Variants in OSBP2 observed in about 807,000 individuals in gnomAD.
OSBP2 encodes the protein oxysterol binding protein 2.
A neutral mutation model predicts 96.0 loss-of-function variants in OSBP2; 66 were observed. That is an observed-to-expected ratio of 0.69 (90% CI 0.56 to 0.84). The LOEUF (loss-of-function observed/expected upper bound fraction) is 0.84, where lower values mean the gene tolerates loss of function less well. Ranked by LOEUF, OSBP2 falls within the 40% of genes least tolerant of loss-of-function variation. OSBP2 has a pLI of 0.00. For missense variants in OSBP2, 1,038 were observed against 1,222.7 expected (o/e 0.85, Z 2.25); for synonymous variants, 525 against 520.9 (o/e 1.01, Z -0.11).
chr22:30,807,322 T>C (rs946274040), intron 2 of OSBP2, among the ~76,000 whole-genome samples: 4 of 152,214 alleles, frequency 2.6e-5, no homozygotes, highest in Admixed American at 2.6e-4. Flanking sequence ...GTCGCTTCCC[T>C]CAAGCCGTGC....
At chr22:30,897,948 T>A (rs1391981639) in intron 12 of OSBP2, among the ~76,000 whole-genome samples, 1 of 136,954 alleles carries the variant, frequency 7.3e-6, no homozygotes, top group African/African-American at 3.0e-5. Flanking sequence ...AGACTCCGTC[T>A]CAGGAAAAAA....
intron 2 of OSBP2, among the ~76,000 whole-genome samples, chr22:30,849,517 G>A (rs2038937055): frequency 6.6e-6 from 1 of 152,068 alleles, no homozygotes; most frequent in African/African-American, 2.4e-5. Context: ...ATCTCTTCAT[G>A]TTCTTATTAG....
chr22:30,824,517 C>T (rs1159826645), intron 2 of OSBP2, among the ~76,000 whole-genome samples: 1 of 152,126 alleles, frequency 6.6e-6, no homozygotes, highest in African/African-American at 2.4e-5. Flanking sequence ...TTTCCACATA[C>T]AAACACATAC....
chr22:30,754,468 ACTGTTT>A (rs2090116690), intron 2 of OSBP2, among the ~76,000 whole-genome samples: 1 of 152,134 alleles, frequency 6.6e-6, no homozygotes, highest in African/African-American at 2.4e-5. Flanking sequence ...TAAGGAGCTC[ACTGTTT>A]GGGGCTGAGG....
intron 3 of OSBP2, among the ~76,000 whole-genome samples, chr22:30,884,977 TGAG>T (rs2039779730): frequency 6.6e-6 from 1 of 152,168 alleles, no homozygotes. Context: ...TGCAGAGGTC[TGAG>T]GAGTGGTGGG....
chr22:30,717,090 TTG>T (rs35377469), intron 1 of OSBP2, among the ~76,000 whole-genome samples: 17,573 of 118,034 alleles, frequency 0.15, 1,349 homozygotes, highest in Middle Eastern at 0.19. Context: ...TTTACTGTTT[TTG>T]TGTGTGTGTG....
rs578084049 is a variant in OSBP2, at chr22:30,859,061, C to T, written c.854-11368C>T. On this transcript the variant is annotated intron_variant, in intron 2 of 13. Coordinates refer to ENST00000332585, the MANE Select transcript of OSBP2 (RefSeq NM_030758.4). ...TTCAGGGCCCCATGGTTCCTAGTGG[C>T]GGAACCCTTTCCCCGCCAGGGCCCT... is the stretch of plus-strand genomic sequence containing the variant. Among the ~76,000 whole-genome samples, 17 of 152,074 alleles carry T rather than the reference C, an allele frequency of 1.1e-4. No individual in the cohort carries two copies. In the East Asian group the frequency reaches 2.9e-3, roughly 26 times the overall value.
intron 1 of OSBP2, among the ~76,000 whole-genome samples, chr22:30,698,800 C>G (rs1424300596): frequency 6.6e-6 from 1 of 152,044 alleles, no homozygotes; most frequent in Non-Finnish European, 1.5e-5. Context: ...TCTTGTGCCC[C>G]CTGCCATCCC....
At chr22:30,772,792 CAT>C (rs1491543062) in intron 2 of OSBP2, among the ~76,000 whole-genome samples, 2 of 108,346 alleles carry the variant, frequency 1.8e-5, no homozygotes, top group African/African-American at 4.1e-5. Flanking sequence ...TTGTTAAACG[CAT>C]TTTTTTTTTT....
chr22:30,829,562 C>T (rs987440981), intron 2 of OSBP2, among the ~76,000 whole-genome samples: 2 of 152,174 alleles, frequency 1.3e-5, no homozygotes, highest in Non-Finnish European at 2.9e-5. Context: ...GGATTACAGG[C>T]GTGAACCAAA....
At chr22:30,717,001 A>G (rs1017691842) in intron 1 of OSBP2, among the ~76,000 whole-genome samples, 1 of 151,912 alleles carries the variant, frequency 6.6e-6, no homozygotes, top group African/African-American at 2.4e-5. Flanking sequence ...ATCCAATGTC[A>G]TGAAACTTTA....
chr22:30,724,043 C>T (rs1311432245), intron 1 of OSBP2, among the ~76,000 whole-genome samples: 1 of 152,312 alleles, frequency 6.6e-6, no homozygotes, highest in East Asian at 1.9e-4. Context: ...GCCTATTCAT[C>T]ACTCCCCATC....
intron 2 of OSBP2, among the ~76,000 whole-genome samples, chr22:30,751,020 C>T (rs144864767): frequency 0.02 from 3,107 of 152,276 alleles, 98 homozygotes; most frequent in African/African-American, 0.07. Context: ...GGATTACAGG[C>T]GTGAGCCACT....
chr22:30,853,591 TGATA>T (rs781196341), intron 2 of OSBP2, among the ~76,000 whole-genome samples: 1 of 152,190 alleles, frequency 6.6e-6, no homozygotes, highest in Non-Finnish European at 1.5e-5. Context: ...TTATCCAGCC[TGATA>T]AAGTCTCTGA....
At position 30,890,955 on chromosome 22, in the gene OSBP2, G is replaced by A. The variant is rs755381566; in HGVS notation, c.1851G>A (p.Leu617=). 6.2e-7 allele frequency: 1 copy of A among 1,609,076 alleles called. No homozygotes were observed. The highest frequency in any genetic ancestry group is 1.1e-5 in the South Asian group (1 of 91,074). The change falls in exon 8 of 14, where the codon CTG becomes CTA. Residue 617 remains leucine, a synonymous_variant. Coordinates refer to ENST00000332585, the MANE Select transcript of OSBP2 (RefSeq NM_030758.4). This position sits in a 1 kb window ranked among gnomAD's most constrained non-coding sequence, Gnocchi z 4.4. ...FELDRLDDMG[L]RSLCEQVSHH... is the part of the protein sequence containing the mutation. ...TGGACCGCCTCGACGACATGGGCCT[G>A]CGCTCCCTCTGTGAGCAGGTGAGGG...
chr22:30,906,365 C>T lies in OSBP2; in HGVS notation c.*26C>T, dbSNP rs2147205103. The T allele has an allele frequency of 1.3e-6, 2 of 1,570,794 alleles. No homozygotes were observed. Among genetic ancestry groups the T allele is most frequent in the East Asian group, 2.3e-5 (1 of 44,284 alleles). ...GCGCCACCCTTGCAACAAATACAGG[C>T]GCCTGCACAGCCTGGCCCACCTGTT... On this transcript the variant is annotated 3_prime_UTR_variant, in exon 14 of 14. Coordinates refer to ENST00000332585, the MANE Select transcript of OSBP2 (RefSeq NM_030758.4).
Position 30,887,575 on chromosome 22 carries a change from T to G in OSBP2, c.1257T>G (p.Ser419Arg), listed in dbSNP as rs1332332621. ...ACAGCCTCGAGCGGGCCTTCCACAG[T>G]GCCCCTGGCCGGCCGGCCAACCCCT... ...QHNSLERAFHSAPGRPANPSK... is the reference protein window; with the variant it reads ...QHNSLERAFHRAPGRPANPSK... Residue 419 changes from serine to arginine, a missense_variant, in exon 4 of 14, where the codon AGT becomes AGG. Physicochemically the swap from Ser to Arg is moderately radical, Grantham distance 110. Around this residue, in one of 3 missense-constraint regions of OSBP2, gnomAD observed 737 missense variants for 913.3 expected, o/e 0.81. Transcript: ENST00000332585. The G allele has an allele frequency of 6.2e-7, 1 of 1,612,478 alleles. No individual in the cohort carries two copies. The highest frequency in any genetic ancestry group is 1.3e-5 in the African/African-American group (1 of 75,034).
chr22:30,889,207 T>G lies in OSBP2; in HGVS notation c.1449T>G (p.Ser483Arg). 1.2e-6 allele frequency: 2 copies of G among 1,613,516 alleles called. No homozygotes were observed. The highest frequency in any genetic ancestry group is 1.7e-6 in the Non-Finnish European group (2 of 1,179,886). Residue 483 changes from serine (S) to arginine (R), a missense_variant, in exon 6 of 14, where the codon AGT (serine) becomes AGG (arginine). This residue lies in a region of OSBP2 where 737 missense variants were observed against 913.3 expected (regional missense o/e 0.81). Transcript: ENST00000332585. ...AAGCTGAAGGTAGCACCGGGACAAG[T>G]TCCGTGGACTGGAGCTCAGCAGACA... ...SRKAEGSTGT[S>R]SVDWSSADNV...
chr22:30,790,715 G>A (rs1277762677), intron 2 of OSBP2, among the ~76,000 whole-genome samples: 5 of 151,478 alleles, frequency 3.3e-5, no homozygotes, highest in Admixed American at 2.0e-4. Flanking sequence ...TTTGATATGT[G>A]GTAATTTACT....
Sources: allele counts gnomAD v4.1 joint callset (sites outside exome capture counted in the v4.1 genomes callset), GRCh38; gene constraint gnomAD v4.1.1; regional missense constraint gnomAD v4.1.1; non-coding constraint Gnocchi (gnomAD v3.1); transcripts MANE v1.5; gene names NCBI Gene and HGNC (gene_info 2026-07-23, HGNC 2026-07-21).